The following C17orf78 variants were observed in gnomAD, a reference collection of about 807,000 sequenced individuals.
C17orf78 encodes chromosome 17 open reading frame 78, also known as uncharacterized protein C17orf78.
In C17orf78, 27 loss-of-function variants were observed where a neutral mutation model predicts 31.8. That is an observed-to-expected ratio of 0.85 (90% CI 0.63 to 1.17). The LOEUF is 1.17. Among genes scored for constraint, C17orf78 ranks in the 50% most tolerant of loss-of-function variants. C17orf78 has a pLI of 0.00. For synonymous variants in C17orf78, 106 were observed against 115.1 expected (o/e 0.92, Z 0.51); for missense variants, 258 against 315.2 (o/e 0.82, Z 1.37).
intron 4 of C17orf78, among the ~76,000 whole-genome samples, chr17:37,388,156 A>G (rs1291037209): frequency 6.6e-6 from 1 of 151,722 alleles, no homozygotes; most frequent in Non-Finnish European, 1.5e-5. Flanking sequence ...CCAGAGTGAG[A>G]AAAAAAATGC....
chr17:37,379,249 A>G lies in C17orf78; in HGVS notation c.258A>G (p.Arg86=), dbSNP rs375008603. 1.9e-6 allele frequency: 3 copies of G among 1,613,974 alleles called. No individual in the cohort carries two copies. Among genetic ancestry groups the G allele is most frequent in the Non-Finnish European group, 2.5e-6 (3 of 1,179,886 alleles). Residue 86 remains arginine, a synonymous_variant, in exon 3 of 7, where the codon AGA becomes AGG. Coordinates refer to ENST00000615133, the MANE Select transcript of C17orf78 (RefSeq NM_173625.5). ...KVKVNLVYLE[R]RPKVKHILKN... is the part of the protein sequence containing the mutation. ...AAGTCAACCTTGTATATTTGGAGAGAAGGCCAAAGGTCAAGCATATTTTGA... is the reference window on the plus strand; with the variant it reads ...AAGTCAACCTTGTATATTTGGAGAGGAGGCCAAAGGTCAAGCATATTTTGA...
chr17:37,377,617 G>A (rs890831103), intron 1 of C17orf78, among the ~76,000 whole-genome samples: 1 of 151,690 alleles, frequency 6.6e-6, no homozygotes, highest in African/African-American at 2.4e-5. Flanking sequence ...CGGAGATCAC[G>A]TCACTGCACT....
Position 37,389,307 on chromosome 17 carries a change from A to T in C17orf78, c.695A>T (p.Lys232Met). The change falls in exon 6 of 7, where the codon AAG becomes ATG. Residue 232 changes from lysine (K) to methionine (M), a missense_variant. Physicochemically the swap from Lys to Met is moderately conservative, Grantham distance 95. Coordinates refer to ENST00000615133, the MANE Select transcript of C17orf78 (RefSeq NM_173625.5). ...QCQWLWRWQK[K>M]GGQPPGTAES... is the part of the protein sequence containing the mutation. ...CAGTGGTTGTGGAGATGGCAAAAGA[A>T]GGGAGGCCAGCCACCTGGGACAGCT... 6.3e-7 allele frequency: 1 copy of T among 1,598,986 alleles called. No individual in the cohort carries two copies. Among genetic ancestry groups the T allele is most frequent in the South Asian group, 1.1e-5 (1 of 87,904 alleles).
intron 1 of C17orf78, 34 bp from the exon 2 acceptor site, chr17:37,377,845 C>T (rs2050074690): frequency 6.4e-7 from 1 of 1,560,992 alleles, no homozygotes; most frequent in Admixed American, 1.7e-5. Flanking sequence ...CAAACCTTCC[C>T]CGGTTCCCCT....
At position 37,379,310 on chromosome 17, in the gene C17orf78, A is replaced by G. The variant is rs1285919027; in HGVS notation, c.319A>G (p.Ser107Gly). 1 of 1,614,020 alleles carries G rather than the reference A, an allele frequency of 6.2e-7. No individual in the cohort carries two copies. The highest frequency in any genetic ancestry group is 1.7e-5 in the Admixed American group (1 of 60,008). ...LRIIAAPRRN[S>G]SASSSCHLIP... is the part of the protein sequence containing the mutation. ...AATCATTGCTGCTCCCCGCAGAAAC[A>G]GCTCTGCCTCCTCAAGCTGTCACCT... is the stretch of plus-strand genomic sequence containing the variant. Residue 107 changes from serine (S) to glycine (G), a missense_variant, in exon 3 of 7, where the codon AGC becomes GGC. Ser to Gly is a moderately conservative substitution (Grantham distance 56). Transcript: ENST00000615133.
At chr17:37,383,829 G>A (rs983263391) in intron 3 of C17orf78, among the ~76,000 whole-genome samples, 18 of 152,290 alleles carry the variant, frequency 1.2e-4, no homozygotes, top group Admixed American at 4.6e-4. Flanking sequence ...GCGATTATAG[G>A]CGTGAGCCAC....
chr17:37,380,661 G>A (rs1209931734), intron 3 of C17orf78, among the ~76,000 whole-genome samples: 3 of 151,872 alleles, frequency 2.0e-5, no homozygotes, highest in Non-Finnish European at 1.5e-5. Context: ...CCAGTGGTGC[G>A]ATCTTGGCCC....
chr17:37,389,733 T>C (rs2036352822), intron 6 of C17orf78, among the ~76,000 whole-genome samples: 2 of 151,718 alleles, frequency 1.3e-5, no homozygotes, highest in South Asian at 4.2e-4. Flanking sequence ...GGGGTTAATA[T>C]ATAAGTGCTA....
At chr17:37,383,360 C>G (rs1425732320) in intron 3 of C17orf78, among the ~76,000 whole-genome samples, 1 of 152,046 alleles carries the variant, frequency 6.6e-6, no homozygotes, top group Admixed American at 6.6e-5. Context: ...GGTTAGCCTC[C>G]CAGAGAAAAA....
At chr17:37,386,746 C>T (rs2050549742) in intron 4 of C17orf78, 1 of 152,138 alleles carries the variant, frequency 6.6e-6, no homozygotes. Context: ...TAATTCTAAC[C>T]ACTGTATGTA....
chr17:37,380,149 A>G (rs1001337268), intron 3 of C17orf78, among the ~76,000 whole-genome samples: 7 of 151,986 alleles, frequency 4.6e-5, no homozygotes, highest in African/African-American at 1.5e-4. Flanking sequence ...ATTGGACATC[A>G]TCATTCTCAG....
rs543104882 is a variant in C17orf78, at chr17:37,388,734, C to T, written c.573C>T (p.Val191=). 2 of 1,612,350 alleles carry T rather than the reference C, an allele frequency of 1.2e-6. No homozygotes were observed. Among genetic ancestry groups the T allele is most frequent in the Non-Finnish European group, 1.7e-6 (2 of 1,178,808 alleles). ...WSIVVKILIA[V]TLLLSGVAII... is the part of the protein sequence containing the mutation. ...TTGTGGTCAAAATTCTGATTGCTGTCACCCTGTTGCTCAGTGGAGTTGCCA... is the reference window on the plus strand; with the variant it reads ...TTGTGGTCAAAATTCTGATTGCTGTTACCCTGTTGCTCAGTGGAGTTGCCA... Residue 191 remains valine, a synonymous_variant, in exon 5 of 7, where the codon GTC becomes GTT. Transcript: ENST00000615133.
intron 3 of C17orf78, among the ~76,000 whole-genome samples, chr17:37,381,443 C>G (rs2050253983): frequency 6.6e-6 from 1 of 151,894 alleles, no homozygotes; most frequent in Non-Finnish European, 1.5e-5. Context: ...ACCTCAGCCT[C>G]CCAAAGTGCT....
intron 6 of C17orf78, among the ~76,000 whole-genome samples, chr17:37,390,270 TA>T (rs1652679871): frequency 4.7e-4 from 31 of 66,280 alleles, no homozygotes; most frequent in African/African-American, 2.1e-3. Flanking sequence ...TAATTATATA[TA>T]ATATATTATA....
chr17:37,381,773 A>T (rs138642197), intron 3 of C17orf78, among the ~76,000 whole-genome samples: 3 of 150,564 alleles, frequency 2.0e-5, no homozygotes, highest in Non-Finnish European at 4.4e-5. Flanking sequence ...GACTACAGGC[A>T]CTCGCCACCA....
chr17:37,391,659 G>T lies in C17orf78; in HGVS notation c.763G>T (p.Ala255Ser). The T allele has an allele frequency of 6.2e-7, 1 of 1,613,814 alleles. No homozygotes were observed. The highest frequency in any genetic ancestry group is 8.5e-7 in the Non-Finnish European group (1 of 1,179,802). The change falls in exon 7 of 7, where the codon GCT becomes TCT. Residue 255 changes from alanine (A) to serine (S), a missense_variant. By Grantham distance (99) the Ala-to-Ser change is moderately conservative. Transcript: ENST00000615133. ...TTTCAATCTCTAGGTTGGACAAGAT[G>T]CTGCCAATTCATCAAACCCAAAGAA... Reference protein sequence around the residue: ...DSQPQKVGQDAANSSNPKKAA... With the variant: ...DSQPQKVGQDSANSSNPKKAA...
In C17orf78 at chr17:37,391,830, T is replaced by G. The variant is rs1042621729; in HGVS notation, c.*106T>G. ...ACACTTGTATCTTCAGCAGGGACAT[T>G]ACAATCAAACACCAATTCCTGGTTA... is the stretch of plus-strand genomic sequence containing the variant. On this transcript the variant is annotated 3_prime_UTR_variant, in exon 7 of 7. Transcript: ENST00000615133. 6.8e-6 allele frequency: 7 copies of G among 1,034,534 alleles called. No individual in the cohort carries two copies. The highest frequency in any genetic ancestry group is 7.4e-6 in the Non-Finnish European group (5 of 671,688). The allele number at this position is 1,034,534 out of a possible 1,614,324, so 64.1% of individuals were successfully genotyped here. A position where few individuals can be genotyped will look rare whatever the true frequency, so the allele number is the denominator to read the frequency against.
chr17:37,390,519 C>T (rs111907550), intron 6 of C17orf78, among the ~76,000 whole-genome samples: 1,704 of 147,190 alleles, frequency 0.012, 15 homozygotes, highest in Non-Finnish European at 0.017. Context: ...CCCAGCTACT[C>T]GGGAGGCTGA....
intron 6 of C17orf78, 73 bp from the exon 7 acceptor site, chr17:37,391,574 C>T (rs1414264465): frequency 2.9e-6 from 4 of 1,372,024 alleles, no homozygotes; most frequent in Non-Finnish European, 4.2e-6. Context: ...ACTTAGCCAG[C>T]CCTTTTCTTG....
Sources: gnomAD v4.1 joint callset for allele counts (sites outside exome capture counted in the v4.1 genomes callset) on GRCh38, gnomAD v4.1.1 for gene constraint, MANE v1.5 for transcripts, NCBI Gene and HGNC (gene_info 2026-07-23, HGNC 2026-07-21) for gene names.